Variants in CDC42 observed in about 807,000 individuals in gnomAD.
CDC42 encodes the protein cell division control protein 42 homolog.
Under a neutral mutation model 20.8 loss-of-function variants are expected in CDC42, and 1 was observed. The ratio of observed to expected loss-of-function variants is 0.05; its 90% confidence interval spans 0.02 to 0.23. The LOEUF (loss-of-function observed/expected upper bound fraction) is 0.23, where lower values mean the gene tolerates loss of function less well. Among genes scored for constraint, CDC42 ranks in the 10% least tolerant of loss-of-function variants. The pLI, the probability that CDC42 is intolerant of heterozygous loss-of-function variation, is 1.00. For synonymous variants in CDC42, 72 were observed against 84.8 expected (o/e 0.85, Z 0.83); for missense variants, 49 against 227.9 (o/e 0.21, Z 5.05).
rs765830067 is a variant in CDC42, at chr1:22,078,590, A to G, written c.105+7A>G. ...ATCGGAATATGTACCGACTGTAAGT[A>G]TAAAGGCTTCCTTCTGTTAGTAAAA... On this transcript the variant is annotated splice_region_variant and intron_variant, in intron 2 of 5. Transcript: ENST00000656825. 1.4e-5 allele frequency: 22 copies of G among 1,595,084 alleles called. No individual in the cohort carries two copies. In the South Asian group the frequency reaches 1.5e-4, roughly 11 times the overall value.
At chr1:22,077,742 CT>C (rs1402277827) in intron 1 of CDC42, among the ~76,000 whole-genome samples, 18 of 152,156 alleles carry the variant, frequency 1.2e-4, no homozygotes, top group African/African-American at 4.1e-4. Context: ...TTGATAGCTT[CT>C]TAAAATGGAG....
At position 22,100,323 on chromosome 1, in the gene CDC42, C is replaced by T. The variant is rs1645782486; in HGVS notation, c.*8806C>T. Among the ~76,000 whole-genome samples the T allele has an allele frequency of 6.6e-6, 1 of 152,208 alleles. No homozygotes were observed. The highest frequency in any genetic ancestry group is 2.4e-5 in the African/African-American group (1 of 41,450). On this transcript the variant is annotated 3_prime_UTR_variant, in exon 6 of 6. Coordinates refer to ENST00000656825, the MANE Select transcript of CDC42 (RefSeq NM_001791.4). ...GATTTCACTTGACCTCAGTACAACT[C>T]TGTAAAAGAGGCAGGGATGGATGAT...
chr1:22,077,560 C>G (rs1209129413), intron 1 of CDC42, among the ~76,000 whole-genome samples: 1 of 151,856 alleles, frequency 6.6e-6, no homozygotes. Context: ...TTTATTCTTT[C>G]AGAAAACTGT....
intron 3 of CDC42, among the ~76,000 whole-genome samples, chr1:22,082,623 T>C (rs1645619725): frequency 6.6e-6 from 1 of 152,236 alleles, no homozygotes; most frequent in South Asian, 2.1e-4. Flanking sequence ...TTTGAGTTAC[T>C]GTTACTGTTT....
At position 22,100,286 on chromosome 1, in the gene CDC42, G is replaced by A. The variant is rs962814925; in HGVS notation, c.*8769G>A. 2.0e-5 allele frequency among the ~76,000 whole-genome samples: 3 copies of A among 152,190 alleles called. No individual in the cohort carries two copies. The highest frequency in any genetic ancestry group is 2.0e-4 in the Admixed American group (3 of 15,282). On this transcript the variant is annotated 3_prime_UTR_variant, in exon 6 of 6. Transcript: ENST00000656825. ...AGTAAACTCCTAAACTTCAAGTCAT[G>A]TTTGTATTAGTGATTTCACTTGACC...
At chr1:22,068,019 C>T (rs1645443271) in intron 1 of CDC42, among the ~76,000 whole-genome samples, 1 of 152,070 alleles carries the variant, frequency 6.6e-6, no homozygotes, top group Admixed American at 6.6e-5. Context: ...AAGGTTGACG[C>T]TGCAGTGAGC....
At chr1:22,081,265 A>G (rs1159783534) in intron 2 of CDC42, among the ~76,000 whole-genome samples, 1 of 152,218 alleles carries the variant, frequency 6.6e-6, no homozygotes, top group Middle Eastern at 3.2e-3. Context: ...GCTTGTTTAT[A>G]ACAAGGCTCA....
intron 1 of CDC42, among the ~76,000 whole-genome samples, chr1:22,069,613 CT>C (rs56218067): frequency 1.7e-4 from 19 of 109,752 alleles, no homozygotes; most frequent in Non-Finnish European, 2.4e-4. Flanking sequence ...CATGCCACCA[CT>C]TTTTTTTTTT....
chr1:22,053,610 C>G (rs1423964929), intron 1 of CDC42, among the ~76,000 whole-genome samples: 1 of 152,092 alleles, frequency 6.6e-6, no homozygotes, highest in Non-Finnish European at 1.5e-5. Flanking sequence ...CCCTTTAAGT[C>G]CAAGATAAAT....
rs182479073 is a variant in CDC42, at chr1:22,091,627, A to T, written c.*110A>T. The T allele has an allele frequency of 1.4e-6, 1 of 733,262 alleles. No homozygotes were observed. The highest frequency in any genetic ancestry group is 1.8e-5 in the African/African-American group (1 of 56,526). 45.4% of individuals were successfully genotyped at this position (733,262 alleles called of 1,614,324 possible). A position where few individuals can be genotyped will look rare whatever the true frequency, so the allele number is the denominator to read the frequency against. ...AAAATTCGTTTTTGCAATAATGACA[A>T]ATGCCCTGCACCTACCCACATGCAC... On this transcript the variant is annotated 3_prime_UTR_variant, in exon 6 of 6. Coordinates refer to ENST00000656825, the MANE Select transcript of CDC42 (RefSeq NM_001791.4).
chr1:22,081,084 G>T (rs1267057251), intron 2 of CDC42, among the ~76,000 whole-genome samples: 1 of 152,144 alleles, frequency 6.6e-6, no homozygotes, highest in Non-Finnish European at 1.5e-5. Context: ...TGGGAGAATC[G>T]CTTGATCCCA....
intron 1 of CDC42, among the ~76,000 whole-genome samples, chr1:22,077,476 C>T: frequency 6.6e-6 from 1 of 151,918 alleles, no homozygotes; most frequent in Non-Finnish European, 1.5e-5. Flanking sequence ...TAATTATAAC[C>T]CCTTTAGGAT....
rs34952712 is a variant in CDC42 at position 22,078,886 on chromosome 1, C to CTTT, written c.105+319_105+321dup. 323 of 1,000,678 alleles carry CTTT rather than the reference C, an allele frequency of 3.2e-4. 1 individual carries two copies. Among genetic ancestry groups the CTTT allele is most frequent in the East Asian group, 1.2e-3 (17 of 14,628 alleles). The allele number at this position is 1,000,678 out of a possible 1,614,324, so 62.0% of individuals were successfully genotyped here. A position where few individuals can be genotyped will look rare whatever the true frequency, so the allele number is the denominator to read the frequency against. On this transcript the variant is annotated intron_variant, in intron 2 of 5. Coordinates refer to ENST00000656825, the MANE Select transcript of CDC42 (RefSeq NM_001791.4). The stretch of plus-strand genomic sequence containing the variant: ...TGCCCTACATCTTGGAATGAGGTGA[C>CTTT]TTTTTTTTTTTTTTTTTTGATATTT...
chr1:22,072,278 T>TA (rs1313736987), intron 1 of CDC42, among the ~76,000 whole-genome samples: 2 of 151,828 alleles, frequency 1.3e-5, no homozygotes, highest in Non-Finnish European at 2.9e-5. Context: ...TTTGTATTTT[T>TA]AGTAGAGTCG....
rs927463611 is a variant in CDC42, at chr1:22,094,116, C to T, written c.*2599C>T. 6.6e-6 allele frequency among the ~76,000 whole-genome samples: 1 copy of T among 151,904 alleles called. No individual in the cohort carries two copies. Among genetic ancestry groups the T allele is most frequent in the Non-Finnish European group, 1.5e-5 (1 of 67,980 alleles). On this transcript the variant is annotated 3_prime_UTR_variant, in exon 6 of 6. Transcript: ENST00000656825. ...TTTTCTATTTGACGTAACAAACTTG[C>T]TTATAGTCGTGGCTTAGAAGGTGAG...
At chr1:22,090,145 C>T (rs1645701654) in intron 5 of CDC42, 1 of 1,444,888 alleles carries the variant, frequency 6.9e-7, no homozygotes, top group African/African-American at 1.4e-5. Context: ...CGTCTTTTTA[C>T]TCACCACCTT....
At chr1:22,062,364 C>T (rs1291602813) in intron 1 of CDC42, among the ~76,000 whole-genome samples, 3 of 152,174 alleles carry the variant, frequency 2.0e-5, no homozygotes, top group Non-Finnish European at 4.4e-5. Context: ...TTGTAGTTGG[C>T]ATCTCACCTC....
At chr1:22,055,134 T>C (rs1645290579) in intron 1 of CDC42, among the ~76,000 whole-genome samples, 1 of 150,928 alleles carries the variant, frequency 6.6e-6, no homozygotes, top group African/African-American at 2.4e-5. Context: ...TTTGTATTTT[T>C]AGTAGAGACG....
chr1:22,071,452 G>A (rs1394595892), intron 1 of CDC42, among the ~76,000 whole-genome samples: 1 of 152,198 alleles, frequency 6.6e-6, no homozygotes, highest in Non-Finnish European at 1.5e-5. Flanking sequence ...CAGTTTGTTA[G>A]CACACTTGCA....
Sources: allele counts gnomAD v4.1 joint callset (sites outside exome capture counted in the v4.1 genomes callset), GRCh38; gene constraint gnomAD v4.1.1; transcripts MANE v1.5; gene names NCBI Gene and HGNC (gene_info 2026-07-23, HGNC 2026-07-21).